NLRC5: variants seen among roughly 807,000 people sequenced by gnomAD.
NLRC5 encodes protein NLRC5.
In NLRC5, 114 loss-of-function variants were observed where a neutral mutation model predicts 206.9. The observed-to-expected ratio is 0.55, with a 90% confidence interval of 0.47 to 0.64. The LOEUF (loss-of-function observed/expected upper bound fraction) is 0.64. Ranked by LOEUF, NLRC5 falls within the 30% of genes least tolerant of loss-of-function variation. The pLI is 0.00. For missense variants in NLRC5, 2,008 were observed against 2,305.5 expected, an observed-to-expected ratio of 0.87 and a Z score of 2.64; for synonymous variants, 952 against 962.8, an observed-to-expected ratio of 0.99 and a Z score of 0.21.
chr16:57,075,573 C>T (rs982787132), intron 39 of NLRC5, among the ~76,000 whole-genome samples: 10 of 152,174 alleles, frequency 6.6e-5, no homozygotes, highest in African/African-American at 1.4e-4. Context: ...CTGGGGGCCA[C>T]GGTCAGCACT....
rs747769653 is a variant in NLRC5 at position 57,033,687 on chromosome 16, AT to A, written c.2543+20del. 1.2e-6 allele frequency: 2 copies of A among 1,610,872 alleles called. No homozygotes were observed. Among genetic ancestry groups the A allele is most frequent in the Admixed American group, 3.3e-5 (2 of 60,010 alleles). On this transcript the variant is annotated intron_variant, in intron 12 of 48. Coordinates refer to ENST00000688547, the MANE Select transcript of NLRC5 (RefSeq NM_001384950.1). ...ACGCTCAGGTACCTTGGAGGGATCT[AT>A]TGCCTTAGGAGAGGGATATGATATG... is the stretch of plus-strand genomic sequence containing the variant.
chr16:57,057,614 G>C (rs1477641747), intron 27 of NLRC5, among the ~76,000 whole-genome samples: 1 of 152,280 alleles, frequency 6.6e-6, no homozygotes, highest in Non-Finnish European at 1.5e-5. Flanking sequence ...AATGATGCCG[G>C]CCAAGGGCGT....
rs1281282608 is a variant in NLRC5 at position 57,011,879 on chromosome 16, A to AT, written c.-127-5190dup. Reference sequence around the variant, plus strand: ...ATAATATGTTAATTTCTACTGCATTATTTTTAACAACTTCATTGAGGTGTA... The same window carrying AT: ...ATAATATGTTAATTTCTACTGCATTATTTTTTAACAACTTCATTGAGGTGTA... On this transcript the variant is annotated intron_variant, in intron 1 of 48. Transcript: ENST00000688547. Among the ~76,000 whole-genome samples, 6 of 152,190 alleles carry AT rather than the reference A, an allele frequency of 3.9e-5. No homozygotes were observed. The East Asian group carries it at 1.2e-3, about 29-fold the overall frequency.
chr16:57,033,735 A>T, intron 12 of NLRC5, 66 bp downstream of exon 12: 1 of 1,455,498 alleles, frequency 6.9e-7, no homozygotes, highest in South Asian at 1.1e-5. Flanking sequence ...GAGGCAAGGG[A>T]GAGCAGGGGC....
At chr16:57,068,050 C>A (rs1046626285) in intron 36 of NLRC5, among the ~76,000 whole-genome samples, 7 of 152,196 alleles carry the variant, frequency 4.6e-5, no homozygotes, top group African/African-American at 1.7e-4. Flanking sequence ...CTTTTTAACA[C>A]TCTTTCATTG....
At chr16:57,000,970 C>T (rs1444796850) in intron 1 of NLRC5, among the ~76,000 whole-genome samples, 1 of 152,236 alleles carries the variant, frequency 6.6e-6, no homozygotes, top group Non-Finnish European at 1.5e-5. Flanking sequence ...GCCTCAGTTT[C>T]CCCATCTTTA....
intron 1 of NLRC5, among the ~76,000 whole-genome samples, chr16:56,996,152 T>C (rs1434508914): frequency 1.3e-5 from 2 of 152,126 alleles, no homozygotes; most frequent in Non-Finnish European, 2.9e-5. Context: ...TAGTGTTTTT[T>C]GTTTTCCTTG....
intron 26 of NLRC5, 27 bp from the exon 27 acceptor site, chr16:57,055,406 C>T (rs1317859142): frequency 6.2e-7 from 1 of 1,610,396 alleles, no homozygotes; most frequent in Non-Finnish European, 8.5e-7. Flanking sequence ...GCCCCATCCC[C>T]TGCTTGTCCC....
At chr16:57,021,410 G>A (rs1477223308) in intron 3 of NLRC5, among the ~76,000 whole-genome samples, 3 of 152,182 alleles carry the variant, frequency 2.0e-5, no homozygotes, top group Non-Finnish European at 4.4e-5. Flanking sequence ...CTAGGCTGGA[G>A]TGCAGTGGCA....
intron 24 of NLRC5, among the ~76,000 whole-genome samples, chr16:57,053,994 G>A (rs1321086116): frequency 6.6e-6 from 1 of 152,142 alleles, no homozygotes; most frequent in Non-Finnish European, 1.5e-5. Flanking sequence ...GGTGGATCTT[G>A]AGAGTGGAAT....
At chr16:57,051,128 C>T (rs145940636) in intron 23 of NLRC5, among the ~76,000 whole-genome samples, 9,214 of 152,122 alleles carry the variant, frequency 0.061, 334 homozygotes, top group Middle Eastern at 0.078. Flanking sequence ...CAAAGTGCTG[C>T]GATTACAGGC....
chr16:57,063,261 C>T (rs548764762), intron 32 of NLRC5, among the ~76,000 whole-genome samples: 15 of 151,810 alleles, frequency 9.9e-5, no homozygotes, highest in Admixed American at 4.6e-4. Flanking sequence ...TACAGGCGCC[C>T]GCCACCACAC....
At chr16:56,994,772 G>A (rs1034615077) in intron 1 of NLRC5, among the ~76,000 whole-genome samples, 1 of 152,154 alleles carries the variant, frequency 6.6e-6, no homozygotes, top group Non-Finnish European at 1.5e-5. Flanking sequence ...GCAGAGAAGA[G>A]GAGAGGAGGG....
At position 57,051,635 on chromosome 16, in the gene NLRC5, T is replaced by G. The variant is rs821469; in HGVS notation, c.3506+14T>G. Reference sequence around the variant, plus strand: ...GAGCCTGCTGCAGTAAGACGAGAGTTTTTCCTATTTCCCGGTTCCTTGTGC... The same window carrying G: ...GAGCCTGCTGCAGTAAGACGAGAGTGTTTCCTATTTCCCGGTTCCTTGTGC... On this transcript the variant is annotated intron_variant, in intron 24 of 48. Coordinates refer to ENST00000688547, the MANE Select transcript of NLRC5 (RefSeq NM_001384950.1). 0.054 allele frequency: 86,940 copies of G among 1,605,952 alleles called. 2,686 individuals are homozygous for G. Among genetic ancestry groups the G allele is most frequent in the Non-Finnish European group, 0.058 (67,888 of 1,172,618 alleles).
At chr16:57,075,602 G>A (rs1478511656) in intron 39 of NLRC5, among the ~76,000 whole-genome samples, 1 of 152,138 alleles carries the variant, frequency 6.6e-6, no homozygotes, top group Non-Finnish European at 1.5e-5. Flanking sequence ...TGTGGGTCTA[G>A]ACTCAGATGG....
chr16:56,994,612 G>C (rs2057375298), intron 1 of NLRC5, among the ~76,000 whole-genome samples: 2 of 152,304 alleles, frequency 1.3e-5, no homozygotes, highest in Non-Finnish European at 1.5e-5. Context: ...TGGATAGAGA[G>C]GCAGATGTAG....
intron 48 of NLRC5, 106 bp from the exon 49 acceptor site, chr16:57,082,311 A>C: frequency 1.2e-6 from 1 of 834,680 alleles, no homozygotes; most frequent in Non-Finnish European, 1.9e-6. Context: ...CTGCCAGGTA[A>C]CTCTAGGCAC....
At chr16:57,070,949 TG>T (rs1306577918) in intron 38 of NLRC5, among the ~76,000 whole-genome samples, 1 of 132,066 alleles carries the variant, frequency 7.6e-6, no homozygotes, top group Non-Finnish European at 1.6e-5. Context: ...GTTGTGTTGG[TG>T]GTTAATGGGG....
intron 19 of NLRC5, among the ~76,000 whole-genome samples, chr16:57,042,354 G>T (rs1450594027): frequency 2.6e-5 from 4 of 152,142 alleles, no homozygotes; most frequent in Admixed American, 2.6e-4. Context: ...GTGTGGGTGC[G>T]AAGTATGACT....
Sources: gnomAD v4.1 joint callset for allele counts (sites outside exome capture counted in the v4.1 genomes callset) on GRCh38, gnomAD v4.1.1 for gene constraint, MANE v1.5 for transcripts, NCBI Gene and HGNC (gene_info 2026-07-23, HGNC 2026-07-21) for gene names.